Variants in CACHD1 observed in about 807,000 individuals in gnomAD.
CACHD1 encodes the protein VWFA and cache domain-containing protein 1.
Under a neutral mutation model 138.7 loss-of-function variants are expected in CACHD1, and 71 were observed. That is an observed-to-expected ratio of 0.51 (90% CI 0.42 to 0.62). CACHD1 has a LOEUF of 0.62. CACHD1 is among the 20% of genes least tolerant of loss of function. The pLI is 0.00. For synonymous variants in CACHD1, 578 were observed against 591.5 expected, an observed-to-expected ratio of 0.98 and a Z score of 0.33; for missense variants, 1,389 against 1,625.3, an observed-to-expected ratio of 0.85 and a Z score of 2.50.
intron 4 of CACHD1, among the ~76,000 whole-genome samples, chr1:64,626,596 C>G (rs917589092): frequency 6.6e-6 from 1 of 152,218 alleles, no homozygotes; most frequent in African/African-American, 2.4e-5. Flanking sequence ...TAATTGAGCA[C>G]TCTCTGTAGT....
chr1:64,574,554 C>T (rs1646952804), intron 2 of CACHD1, among the ~76,000 whole-genome samples: 1 of 152,174 alleles, frequency 6.6e-6, no homozygotes, highest in Non-Finnish European at 1.5e-5. Context: ...CACCCTTCTC[C>T]ACGTACAGAG....
At chr1:64,482,248 A>AT (rs1003471953) in intron 1 of CACHD1, among the ~76,000 whole-genome samples, 54 of 150,286 alleles carry the variant, frequency 3.6e-4, no homozygotes, top group South Asian at 1.9e-3. Flanking sequence ...ACTTCATGGG[A>AT]TTTTTTTTTT....
intron 1 of CACHD1, among the ~76,000 whole-genome samples, chr1:64,519,460 AG>A (rs1646482065): frequency 6.6e-6 from 1 of 152,232 alleles, no homozygotes; most frequent in African/African-American, 2.4e-5. Context: ...TAAAGTGAAA[AG>A]ATTGACTGAC....
intron 4 of CACHD1, among the ~76,000 whole-genome samples, chr1:64,607,491 C>T (rs562654750): frequency 1.3e-5 from 2 of 152,224 alleles, no homozygotes; most frequent in South Asian, 2.1e-4. Flanking sequence ...GAAATAAGGA[C>T]TTGAACTCCT....
chr1:64,487,476 A>G (rs750115915), intron 1 of CACHD1, among the ~76,000 whole-genome samples: 2 of 152,122 alleles, frequency 1.3e-5, no homozygotes, highest in African/African-American at 2.4e-5. Context: ...GATTCTACTC[A>G]CATTTTATGA....
intron 1 of CACHD1, among the ~76,000 whole-genome samples, chr1:64,548,886 T>A (rs992483997): frequency 2.0e-5 from 3 of 152,214 alleles, no homozygotes; most frequent in African/African-American, 7.2e-5. Context: ...GTTCAGGTGT[T>A]AGCTCATGAC....
At chr1:64,677,145 T>C in intron 22 of CACHD1, 134 bp downstream of exon 22, 1 of 682,476 alleles carries the variant, frequency 1.5e-6, no homozygotes, top group South Asian at 1.9e-5. Context: ...CCAGATTAAA[T>C]GTTGTCTCGT....
At chr1:64,629,633 T>G in intron 5 of CACHD1, 152 bp downstream of exon 5, 3 of 985,094 alleles carry the variant, frequency 3.0e-6, no homozygotes, top group Admixed American at 3.4e-5. Flanking sequence ...ATTTAGTATA[T>G]GTGGATGTGA....
Position 64,663,712 on chromosome 1 carries a change from C to T in CACHD1, c.1969C>T (p.Leu657=). Residue 657 remains leucine (L), a synonymous_variant, in exon 14 of 27, where the codon CTG becomes TTG. Coordinates refer to ENST00000651257, the MANE Select transcript of CACHD1 (RefSeq NM_020925.4). ...TCTTTCAGAAAGTCCCACCATCATG[C>T]TGTCTGCTGGCAGCTTTTCCTCCCC... ...LATLESPTIM[L]SAGSFSSPYE... The T allele has an allele frequency of 6.2e-7, 1 of 1,614,174 alleles. No homozygotes were observed. The highest frequency in any genetic ancestry group is 1.6e-4 in the Middle Eastern group (1 of 6,062).
rs76837066 is a variant in CACHD1 at position 64,659,671 on chromosome 1, C to G, written c.1951+798C>G. On this transcript the variant is annotated intron_variant, in intron 13 of 26. Transcript: ENST00000651257. ...CATGCACCTCTGCTCTGCCATGTGC[C>G]AGACACATACTAGGCATTCGTGGTC... Among the ~76,000 whole-genome samples the G allele has an allele frequency of 5.9e-5, 9 of 152,308 alleles. No homozygotes were observed. The East Asian group carries it at 1.7e-3, about 29-fold the overall frequency.
intron 1 of CACHD1, among the ~76,000 whole-genome samples, chr1:64,492,710 T>C (rs1028722448): frequency 1.3e-5 from 2 of 152,192 alleles, no homozygotes; most frequent in South Asian, 2.1e-4. Flanking sequence ...CTGGGCTTCC[T>C]GTCCAGTTAT....
rs998751687 is a variant in CACHD1, at chr1:64,634,376, A to ATT, written c.1006+117_1006+118insTT. On this transcript the variant is annotated intron_variant, in intron 7 of 26. Transcript: ENST00000651257. ...AGAGATTTTATTTATTTATTTATGT[A>ATT]TGTATTTATTTATTTATTTATTTAC... 3.1e-5 allele frequency: 14 copies of ATT among 445,822 alleles called. 1 individual carries two copies. The highest frequency in any genetic ancestry group is 2.9e-4 in the African/African-American group (14 of 48,908). The allele number at this position is 445,822 out of a possible 1,614,324, so 27.6% of individuals were successfully genotyped here. A position where few individuals can be genotyped will look rare whatever the true frequency, so the allele number is the denominator to read the frequency against.
chr1:64,507,559 A>G (rs1344181257), intron 1 of CACHD1, among the ~76,000 whole-genome samples: 1 of 152,226 alleles, frequency 6.6e-6, no homozygotes, highest in Non-Finnish European at 1.5e-5. Flanking sequence ...TAAAGCCTCC[A>G]GGGAAGAAGC....
intron 15 of CACHD1, 21 bp downstream of exon 15, chr1:64,664,700 T>A: frequency 6.2e-7 from 1 of 1,607,798 alleles, no homozygotes; most frequent in Non-Finnish European, 8.5e-7. Context: ...GGGGCTTCCG[T>A]TATCAAAGGT....
At chr1:64,673,590 G>A (rs1649890822) in intron 19 of CACHD1, 126 bp downstream of exon 19, 1 of 777,192 alleles carries the variant, frequency 1.3e-6, no homozygotes, top group South Asian at 1.7e-5. Flanking sequence ...TAGAATGATA[G>A]GAGGAGACAG....
In CACHD1 at chr1:64,622,545, ACCC is replaced by A. The variant is rs1647952174; in HGVS notation, c.518-6808_518-6806del. Among the ~76,000 whole-genome samples the A allele has an allele frequency of 5.3e-5, 8 of 151,780 alleles. No individual in the cohort carries two copies. The South Asian group carries it at 1.7e-3, about 32-fold the overall frequency. On this transcript the variant is annotated intron_variant, in intron 4 of 26. Transcript: ENST00000651257. ...ATAAATCTGTTATTTTGATTGAGAA[ACCC>A]CTGCATGTTTATATATTTATTCTGC...
At position 64,531,495 on chromosome 1, in the gene CACHD1, TTGTGTGTGTGTGTGTG is replaced by T. The variant is rs68180558; in HGVS notation, c.199-19079_199-19064del. Among the ~76,000 whole-genome samples the T allele has an allele frequency of 9.5e-5, 14 of 146,780 alleles. No individual in the cohort carries two copies. The East Asian group carries it at 1.8e-3, about 19-fold the overall frequency. On this transcript the variant is annotated intron_variant, in intron 1 of 26. Transcript: ENST00000651257. Reference sequence around the variant, plus strand: ...AGTTAATGATTTAGAATGAATGTGGTTGTGTGTGTGTGTGTGTGTGTGTGTGTGTGTGTGTCTGTGT... The same window carrying T: ...AGTTAATGATTTAGAATGAATGTGGTTGTGTGTGTGTGTGTGTGTCTGTGT...
chr1:64,625,972 G>A (rs886440245), intron 4 of CACHD1, among the ~76,000 whole-genome samples: 8 of 152,118 alleles, frequency 5.3e-5, no homozygotes, highest in Non-Finnish European at 1.2e-4. Context: ...TGCTAGAGTC[G>A]AGTCTCCATT....
Position 64,470,782 on chromosome 1 carries a change from C to A in CACHD1, c.38C>A (p.Ala13Asp). The change falls in exon 1 of 27, where the codon GCC becomes GAC. Residue 13 changes from alanine to aspartate, a missense_variant. This residue lies in a region of CACHD1 where 1,000 missense variants were observed against 1,114.7 expected (regional missense o/e 0.90). Transcript: ENST00000651257. This position sits in a 1 kb window ranked among gnomAD's most constrained non-coding sequence, Gnocchi z 5.2. The part of the protein sequence containing the change: ...RQPEEEETAV[A>D]RARRPPLWLL... Reference sequence around the variant, plus strand: ...CCGGAGGAAGAGGAGACGGCCGTGGCCCGGGCGCGGCGGCCGCCCCTCTGG... The same window carrying A: ...CCGGAGGAAGAGGAGACGGCCGTGGACCGGGCGCGGCGGCCGCCCCTCTGG... 1 of 1,028,576 alleles carries A rather than the reference C, an allele frequency of 9.7e-7. No homozygotes were observed. Among genetic ancestry groups the A allele is most frequent in the Non-Finnish European group, 1.4e-6 (1 of 700,112 alleles). The allele number at this position is 1,028,576 out of a possible 1,614,324, so 63.7% of individuals were successfully genotyped here.
Sources: gnomAD v4.1 joint callset for allele counts (sites outside exome capture counted in the v4.1 genomes callset) on GRCh38, gnomAD v4.1.1 for gene constraint, gnomAD v4.1.1 regional missense constraint, Gnocchi (gnomAD v3.1) non-coding constraint, MANE v1.5 for transcripts, NCBI Gene and HGNC (gene_info 2026-07-23, HGNC 2026-07-21) for gene names.